The following C2orf42 variants were observed in gnomAD, a reference collection of about 807,000 sequenced individuals.
C2orf42 encodes chromosome 2 open reading frame 42, also known as uncharacterized protein C2orf42.
In C2orf42, 44 loss-of-function variants were observed where a neutral mutation model predicts 58.9. That is an observed-to-expected ratio of 0.75 (90% CI 0.59 to 0.96). C2orf42 has a LOEUF of 0.96. C2orf42 is among the 40% of genes least tolerant of loss of function. The probability of loss-of-function intolerance (pLI) is 0.00; values close to 1 mark genes in which losing one functional copy is unlikely to be tolerated. For missense variants in C2orf42, 630 were observed against 699.2 expected (o/e 0.90, Z 1.12); for synonymous variants, 239 against 265.4 (o/e 0.90, Z 0.97).
In C2orf42 at chr2:70,179,627, A is replaced by G; in HGVS notation, c.839T>C (p.Ile280Thr). The G allele has an allele frequency of 6.8e-7, 1 of 1,466,736 alleles. No homozygotes were observed. Among genetic ancestry groups the G allele is most frequent in the Non-Finnish European group, 9.5e-7 (1 of 1,047,328 alleles). The allele number at this position is 1,466,736 out of a possible 1,614,324, so 90.9% of individuals were successfully genotyped here. Reference protein sequence around the residue: ...NFDSSGLKEIIVPQLGCHSES... With the variant: ...NFDSSGLKEITVPQLGCHSES... ...TGAATGGCAACCTAACTGGGGTACA[A>G]TAATCTCTTTAAGACCTAAAAAAAA... Residue 280 changes from isoleucine (I) to threonine (T), a missense_variant, in exon 4 of 10, where the codon ATT becomes ACT. Coordinates refer to ENST00000264434, the MANE Select transcript of C2orf42 (RefSeq NM_017880.3).
chr2:70,187,238 T>C (rs539993580), intron 1 of C2orf42, among the ~76,000 whole-genome samples: 4 of 147,380 alleles, frequency 2.7e-5, no homozygotes, highest in African/African-American at 7.3e-5. Flanking sequence ...CACTCTTTTA[T>C]CTTTTCTTTT....
At position 70,160,681 on chromosome 2, in the gene C2orf42, C is replaced by G. The variant is rs35340595; in HGVS notation, c.1460G>C (p.Arg487Pro). 1 of 1,612,888 alleles carries G rather than the reference C, an allele frequency of 6.2e-7. No individual in the cohort carries two copies. The highest frequency in any genetic ancestry group is 8.5e-7 in the Non-Finnish European group (1 of 1,179,608). The change falls in exon 9 of 10, where the codon CGT becomes CCT. Residue 487 changes from arginine (R) to proline (P), a missense_variant. By Grantham distance (103) the Arg-to-Pro change is moderately radical (BLOSUM62 -2). Transcript: ENST00000264434. ...EVESIAETYG[R>P]IEKQPVLRPL... is the part of the protein sequence containing the mutation. Reference sequence around the variant, plus strand: ...TCGCAGCACTGGTTGTTTTTCTATACGACCGTAGGTTTCTGCTATGCTTTC... The same window carrying G: ...TCGCAGCACTGGTTGTTTTTCTATAGGACCGTAGGTTTCTGCTATGCTTTC...
At position 70,188,809 on chromosome 2, in the gene C2orf42, G is replaced by A. The variant is rs113406336; in HGVS notation, c.-282+2164C>T. 4.4e-3 allele frequency among the ~76,000 whole-genome samples: 669 copies of A among 152,158 alleles called. 5 individuals are homozygous for A. Among genetic ancestry groups the A allele is most frequent in the African/African-American group, 0.015 (633 of 41,540 alleles). On this transcript the variant is annotated intron_variant, in intron 1 of 9. Transcript: ENST00000264434. ...CTAATCTTGACAGTTTTGAAGAGTC[G>A]AATATTTTACAAAATGTCCCTCAAT...
At chr2:70,180,245 T>C (rs1360348212) in intron 3 of C2orf42, among the ~76,000 whole-genome samples, 2 of 151,900 alleles carry the variant, frequency 1.3e-5, no homozygotes, top group African/African-American at 4.8e-5. Flanking sequence ...TGAGCTGAGA[T>C]TGCGCCATTG....
At chr2:70,173,631 TTTTC>T (rs1367754615) in intron 5 of C2orf42, among the ~76,000 whole-genome samples, 2 of 152,126 alleles carry the variant, frequency 1.3e-5, no homozygotes, top group African/African-American at 4.8e-5. Flanking sequence ...TTATTCTTTT[TTTTC>T]TTTATTTTAG....
rs111417842 is a variant in C2orf42 at position 70,177,228 on chromosome 2, C to T, written c.935-1451G>A. 3.5e-3 allele frequency among the ~76,000 whole-genome samples: 524 copies of T among 151,420 alleles called. 3 individuals are homozygous for T. The highest frequency in any genetic ancestry group is 5.8e-3 in the Non-Finnish European group (391 of 67,878). ...TGGAGGCTGCAGTGAGCTGAGATCGCGCCATCACACTGCAGCCTGGGAAAC... is the reference window on the plus strand; with the variant it reads ...TGGAGGCTGCAGTGAGCTGAGATCGTGCCATCACACTGCAGCCTGGGAAAC... On this transcript the variant is annotated intron_variant, in intron 4 of 9. Transcript: ENST00000264434.
intron 1 of C2orf42, among the ~76,000 whole-genome samples, chr2:70,189,662 G>A (rs1226556092): frequency 2.0e-5 from 3 of 149,772 alleles, no homozygotes; most frequent in Non-Finnish European, 4.4e-5. Flanking sequence ...AGCCTGCAGT[G>A]AGCCGAGATC....
At chr2:70,164,449 T>C (rs1219795467) in intron 8 of C2orf42, among the ~76,000 whole-genome samples, 1 of 151,982 alleles carries the variant, frequency 6.6e-6, no homozygotes, top group Non-Finnish European at 1.5e-5. Context: ...CTGGCCTACA[T>C]GGTCAAACCC....
intron 5 of C2orf42, 76 bp downstream of exon 5, chr2:70,175,597 G>A (rs974386879): frequency 9.3e-6 from 8 of 863,476 alleles, no homozygotes; most frequent in Non-Finnish European, 1.6e-5. Flanking sequence ...GTGACAATGT[G>A]CATGATTATA....
At chr2:70,154,646 G>C (rs1452060709) in intron 9 of C2orf42, among the ~76,000 whole-genome samples, 1 of 152,136 alleles carries the variant, frequency 6.6e-6, no homozygotes. Flanking sequence ...TAAATGGTTT[G>C]TATCAACCAG....
At chr2:70,167,043 G>C (rs1415413203) in intron 6 of C2orf42, among the ~76,000 whole-genome samples, 1 of 152,034 alleles carries the variant, frequency 6.6e-6, no homozygotes, top group East Asian at 1.9e-4. Context: ...TAAAATACTT[G>C]AAAGTACTTA....
chr2:70,155,979 A>T (rs1409337429), intron 9 of C2orf42, among the ~76,000 whole-genome samples: 1 of 151,790 alleles, frequency 6.6e-6, no homozygotes, highest in Non-Finnish European at 1.5e-5. Flanking sequence ...AATGTGGAGA[A>T]ACCCCATCTC....
At chr2:70,177,140 C>T (rs747962852) in intron 4 of C2orf42, among the ~76,000 whole-genome samples, 4 of 151,824 alleles carry the variant, frequency 2.6e-5, no homozygotes, top group Middle Eastern at 3.2e-3. Flanking sequence ...GGTGTGGTGG[C>T]GAGCACCTGT....
chr2:70,162,099 C>A (rs1439575384), intron 8 of C2orf42, among the ~76,000 whole-genome samples: 3 of 151,614 alleles, frequency 2.0e-5, no homozygotes, highest in African/African-American at 7.3e-5. Flanking sequence ...GCAACCTCCG[C>A]CTCCCAGGTT....
rs865796701 is a variant in C2orf42, at chr2:70,182,774, G to C, written c.-120C>G. 1 of 152,146 alleles carries C rather than the reference G, an allele frequency of 6.6e-6. No homozygotes were observed. The highest frequency in any genetic ancestry group is 2.4e-5 in the African/African-American group (1 of 41,436). 9.4% of individuals were successfully genotyped at this position (152,146 alleles called of 1,614,324 possible). A position where few individuals can be genotyped will look rare whatever the true frequency, so the allele number is the denominator to read the frequency against. On this transcript the variant is annotated 5_prime_UTR_variant, in exon 2 of 10. Coordinates refer to ENST00000264434, the MANE Select transcript of C2orf42 (RefSeq NM_017880.3). ...TCAGGTGAAAACACGATCATTTGCA[G>C]ACTAATGATAACTGCTTAACCCAAA...
Position 70,181,232 on chromosome 2 carries a change from T to A in C2orf42, c.754A>T (p.Ile252Phe). The change falls in exon 3 of 10, where the codon ATC becomes TTC. Residue 252 changes from isoleucine (I) to phenylalanine (F), a missense_variant. Coordinates refer to ENST00000264434, the MANE Select transcript of C2orf42 (RefSeq NM_017880.3). ...AQRCIHFFAC[I>F]CAFASDETLA... is the part of the protein sequence containing the mutation. ...GTCTCATCACTGGCAAAGGCACAGA[T>A]GCAAGCAAAGAAATGAATGCATCTC... 1.2e-6 allele frequency: 2 copies of A among 1,605,372 alleles called. No homozygotes were observed. Among genetic ancestry groups the A allele is most frequent in the Non-Finnish European group, 1.7e-6 (2 of 1,173,026 alleles).
rs749997930 is a variant in C2orf42, at chr2:70,150,572, G to T, written c.1517-8C>A. 6.2e-7 allele frequency: 1 copy of T among 1,603,240 alleles called. No homozygotes were observed. The highest frequency in any genetic ancestry group is 8.5e-7 in the Non-Finnish European group (1 of 1,170,100). ...GATCTGGGGAAGTGTTGCCTAAAGA[G>T]AAGAAAGGAGTATTAGTACAATTCC... On this transcript the variant is annotated splice_region_variant and splice_polypyrimidine_tract_variant and intron_variant, in intron 9 of 9. Transcript: ENST00000264434.
At chr2:70,158,900 CTT>C (rs34839050) in intron 9 of C2orf42, among the ~76,000 whole-genome samples, 77 of 106,260 alleles carry the variant, frequency 7.2e-4, no homozygotes, top group East Asian at 4.1e-3. Context: ...CCGAGTATTC[CTT>C]TTTTTTTTTT....
intron 1 of C2orf42, among the ~76,000 whole-genome samples, chr2:70,186,038 C>T (rs555877037): frequency 6.0e-5 from 9 of 151,080 alleles, no homozygotes; most frequent in African/African-American, 1.7e-4. Flanking sequence ...GCCAAATGTC[C>T]TCTGGAGGCA....
Sources: allele counts gnomAD v4.1 joint callset (sites outside exome capture counted in the v4.1 genomes callset), GRCh38; gene constraint gnomAD v4.1.1; transcripts MANE v1.5; gene names NCBI Gene and HGNC (gene_info 2026-07-23, HGNC 2026-07-21).